The following ACSS3 variants were observed in gnomAD, a reference collection of about 807,000 sequenced individuals.
ACSS3 encodes acyl-CoA synthetase short chain family member 3, also known as acyl-CoA synthetase short-chain family member 3, mitochondrial.
In ACSS3, 64 loss-of-function variants were observed where a neutral mutation model predicts 84.2. The ratio of observed to expected loss-of-function variants is 0.76; its 90% CI spans 0.62 to 0.94. ACSS3 has a LOEUF of 0.94. ACSS3 is among the 40% of genes least tolerant of loss of function. The pLI, the probability that ACSS3 is intolerant of heterozygous loss-of-function variation, is 0.00. For missense variants in ACSS3, 815 were observed against 867.6 expected (o/e 0.94, Z 0.76); for synonymous variants, 317 against 310.1 (o/e 1.02, Z -0.23).
intron 8 of ACSS3, among the ~76,000 whole-genome samples, chr12:81,176,510 G>A (rs10862253): frequency 0.18 from 27,291 of 151,932 alleles, 2,778 homozygotes; most frequent in East Asian, 0.4. Flanking sequence ...GGAGGTGGAG[G>A]TTGCAGTGAG....
rs1255486403 is a variant in ACSS3 at position 81,182,326 on chromosome 12, T to A, written c.1250+7387T>A. Among the ~76,000 whole-genome samples, 3 of 152,082 alleles carry A rather than the reference T, an allele frequency of 2.0e-5. No individual in the cohort carries two copies. The East Asian group carries it at 5.8e-4, about 29-fold the overall frequency. ...TCAGGAAAGAAGGATAAATAAAGTG[T>A]TTCAAAAATAAACAAAAGCTGAAGG... On this transcript the variant is annotated intron_variant, in intron 8 of 15. Coordinates refer to ENST00000548058, the MANE Select transcript of ACSS3 (RefSeq NM_024560.4).
intron 4 of ACSS3, among the ~76,000 whole-genome samples, chr12:81,139,635 A>AATAATT (rs754196810): frequency 2.3e-4 from 33 of 145,850 alleles, no homozygotes; most frequent in South Asian, 8.6e-4. Context: ...TAATAATAAT[A>AATAATT]ATTATTGTTA....
chr12:81,129,135 C>T (rs1262846033), intron 2 of ACSS3, among the ~76,000 whole-genome samples: 3 of 152,020 alleles, frequency 2.0e-5, no homozygotes, highest in Non-Finnish European at 2.9e-5. Flanking sequence ...AGTGGTTACA[C>T]GGGACTGGTG....
intron 1 of ACSS3, among the ~76,000 whole-genome samples, chr12:81,083,969 C>A (rs1193001514): frequency 6.6e-6 from 1 of 151,992 alleles, no homozygotes; most frequent in Non-Finnish European, 1.5e-5. Flanking sequence ...AAAAAACAAA[C>A]AAGAACAACA....
chr12:81,102,667 C>CAAA (rs71309551), intron 1 of ACSS3, among the ~76,000 whole-genome samples: 64 of 146,722 alleles, frequency 4.4e-4, no homozygotes, highest in Non-Finnish European at 5.8e-4. Flanking sequence ...CTAAAACTAC[C>CAAA]AAAAAAAAAA....
chr12:81,169,522 C>T (rs556914325), intron 7 of ACSS3, among the ~76,000 whole-genome samples: 1 of 152,210 alleles, frequency 6.6e-6, no homozygotes, highest in East Asian at 1.9e-4. Context: ...GGAAACCTCA[C>T]CATCCCCTGT....
chr12:81,189,753 G>T (rs1189400062), intron 8 of ACSS3, among the ~76,000 whole-genome samples: 1 of 151,982 alleles, frequency 6.6e-6, no homozygotes, highest in Admixed American at 6.6e-5. Flanking sequence ...TCTTATTTAA[G>T]ACATAGGTGT....
rs187350360 is a variant in ACSS3 at position 81,256,605 on chromosome 12, A to G, written c.*1683A>G. 1 of 152,312 alleles carries G rather than the reference A, an allele frequency of 6.6e-6. No individual in the cohort carries two copies. The highest frequency in any genetic ancestry group is 1.5e-5 in the Non-Finnish European group (1 of 68,028). 9.4% of individuals were successfully genotyped at this position (152,312 alleles called of 1,614,324 possible). A position where few individuals can be genotyped will look rare whatever the true frequency, so the allele number is the denominator to read the frequency against. ...ACTATCAAGAGCAGATTGTTGTAAC[A>G]TAATACTCAGGATACATGAAATGTA... On this transcript the variant is annotated 3_prime_UTR_variant, in exon 16 of 16. Transcript: ENST00000548058.
intron 11 of ACSS3, among the ~76,000 whole-genome samples, chr12:81,222,092 T>G (rs189909817): frequency 9.2e-5 from 14 of 152,244 alleles, no homozygotes; most frequent in Admixed American, 5.9e-4. Flanking sequence ...AAGTAACAAC[T>G]ATTGCCTTAA....
chr12:81,251,040 T>C (rs904915880), intron 13 of ACSS3, among the ~76,000 whole-genome samples: 9 of 152,180 alleles, frequency 5.9e-5, no homozygotes, highest in Admixed American at 2.0e-4. Flanking sequence ...TGTCACCCAC[T>C]CTCAACAATT....
intron 2 of ACSS3, among the ~76,000 whole-genome samples, chr12:81,111,501 A>G (rs79964019): frequency 0.063 from 9,669 of 152,274 alleles, 441 homozygotes; most frequent in Middle Eastern, 0.12. Flanking sequence ...ACTTAGCACC[A>G]TCCCCCTAAC....
intron 1 of ACSS3, among the ~76,000 whole-genome samples, chr12:81,091,693 GAC>G (rs1881677992): frequency 6.6e-6 from 1 of 151,930 alleles, no homozygotes; most frequent in Non-Finnish European, 1.5e-5. Flanking sequence ...ATATTTCAAA[GAC>G]AGTATTTGAT....
chr12:81,217,579 A>C (rs1038990506), intron 10 of ACSS3, among the ~76,000 whole-genome samples: 1 of 152,232 alleles, frequency 6.6e-6, no homozygotes, highest in Non-Finnish European at 1.5e-5. Flanking sequence ...GTGGTGGCTC[A>C]TGCCTGTAAT....
Position 81,140,439 on chromosome 12 carries a change from G to A in ACSS3, c.780+1174G>A, listed in dbSNP as rs142120558. On this transcript the variant is annotated intron_variant, in intron 4 of 15. Coordinates refer to ENST00000548058, the MANE Select transcript of ACSS3 (RefSeq NM_024560.4). ...AAATTGCAAGACTGCAAAGAATCATGTGCAATTAATTTATAGAACTCTTGA... is the reference window on the plus strand; with the variant it reads ...AAATTGCAAGACTGCAAAGAATCATATGCAATTAATTTATAGAACTCTTGA... 5.7e-3 allele frequency among the ~76,000 whole-genome samples: 874 copies of A among 152,132 alleles called. 6 individuals are homozygous for A. The highest frequency in any genetic ancestry group is 0.01 in the Non-Finnish European group (681 of 68,008).
chr12:81,244,041 T>A (rs2033901081), intron 13 of ACSS3, among the ~76,000 whole-genome samples: 1 of 152,136 alleles, frequency 6.6e-6, no homozygotes, highest in Admixed American at 6.5e-5. Flanking sequence ...ATTACCTCAA[T>A]TTTTTTCTTT....
intron 13 of ACSS3, among the ~76,000 whole-genome samples, chr12:81,253,077 C>G (rs1206940443): frequency 1.3e-5 from 2 of 152,110 alleles, no homozygotes; most frequent in African/African-American, 4.8e-5. Context: ...TACTGTCAAC[C>G]TTTAGTGACT....
chr12:81,221,360 GA>G (rs1406559472), intron 11 of ACSS3, among the ~76,000 whole-genome samples: 2 of 151,944 alleles, frequency 1.3e-5, no homozygotes, highest in Admixed American at 1.3e-4. Context: ...ATTTCTATTG[GA>G]AGTCAAAAGA....
chr12:81,243,956 A>G (rs1362250394), intron 13 of ACSS3, among the ~76,000 whole-genome samples: 1 of 152,092 alleles, frequency 6.6e-6, no homozygotes, highest in African/African-American at 2.4e-5. Context: ...TATTTATACA[A>G]ATTTCTGACG....
chr12:81,244,774 G>T (rs1006992581), intron 13 of ACSS3, among the ~76,000 whole-genome samples: 3 of 151,970 alleles, frequency 2.0e-5, no homozygotes, highest in African/African-American at 7.2e-5. Flanking sequence ...ATCTATTATT[G>T]CAAGTTGTCT....
Sources: gnomAD v4.1 joint callset for allele counts (sites outside exome capture counted in the v4.1 genomes callset) on GRCh38, gnomAD v4.1.1 for gene constraint, MANE v1.5 for transcripts, NCBI Gene and HGNC (gene_info 2026-07-23, HGNC 2026-07-21) for gene names.